Variants in ATG7 observed in about 807,000 individuals in gnomAD.
ATG7 encodes autophagy related 7, also known as ubiquitin-like modifier-activating enzyme ATG7.
ATG7 carries 70 observed loss-of-function variants against 82.4 expected under a neutral mutation model. The ratio of observed to expected loss-of-function variants is 0.85; its 90% CI spans 0.70 to 1.04. The LOEUF (loss-of-function observed/expected upper bound fraction) is 1.04, where lower values mean the gene tolerates loss of function less well. Among genes scored for constraint, ATG7 ranks in the 50% least tolerant of loss-of-function variants. ATG7 has a pLI of 0.00. For missense variants in ATG7, 792 were observed against 864.3 expected (o/e 0.92, Z 1.05); for synonymous variants, 287 against 313.0 (o/e 0.92, Z 0.88).
intron 19 of ATG7, among the ~76,000 whole-genome samples, chr3:11,394,809 T>C (rs2079080951): frequency 6.6e-6 from 1 of 152,188 alleles, no homozygotes; most frequent in Middle Eastern, 3.2e-3. Flanking sequence ...AATGAAATCT[T>C]AGAGGGAAAT....
rs114402220 is a variant in ATG7 at position 11,348,155 on chromosome 3, C to T, written c.1284+120C>T. 8.9e-4 allele frequency: 1,167 copies of T among 1,317,166 alleles called. 2 individuals carry two copies. The highest frequency in any genetic ancestry group is 1.9e-3 in the Middle Eastern group (7 of 3,778). 81.6% of individuals were successfully genotyped at this position (1,317,166 alleles called of 1,614,324 possible). ...TATCTGTCACTTTCTACCAGCCACT[C>T]GCTATGTGGCTGAACCTCTGTTTCC... On this transcript the variant is annotated intron_variant, in intron 14 of 20. Coordinates refer to ENST00000693202, the MANE Select transcript of ATG7 (RefSeq NM_001349232.2).
intron 13 of ATG7, 99 bp downstream of exon 13, chr3:11,342,378 C>A: frequency 7.3e-7 from 1 of 1,367,290 alleles, no homozygotes; most frequent in Non-Finnish European, 9.8e-7. Context: ...GCTCCCCATC[C>A]CCTCCATCTC....
intron 20 of ATG7, among the ~76,000 whole-genome samples, chr3:11,539,370 C>T (rs2070631812): frequency 6.6e-6 from 1 of 152,230 alleles, no homozygotes; most frequent in Admixed American, 6.5e-5. Flanking sequence ...GCTTCAGAGA[C>T]AGAGCTCTTA....
At chr3:11,488,505 C>T (rs1001022666) in intron 20 of ATG7, 608 of 1,234,980 alleles carry the variant, frequency 4.9e-4, no homozygotes, top group Admixed American at 1.1e-3. Context: ...GTGTCAGCGC[C>T]GCGACTGTCC....
At chr3:11,444,552 G>A (rs760016165) in intron 20 of ATG7, among the ~76,000 whole-genome samples, 3 of 152,070 alleles carry the variant, frequency 2.0e-5, no homozygotes, top group South Asian at 2.1e-4. Flanking sequence ...TTGTTGGGTC[G>A]TAGAAAATAT....
chr3:11,326,012 A>G (rs1457817830), intron 9 of ATG7, among the ~76,000 whole-genome samples: 1 of 152,170 alleles, frequency 6.6e-6, no homozygotes, highest in African/African-American at 2.4e-5. Context: ...TTCTTCTTAA[A>G]CATTCTCTAA....
intron 19 of ATG7, among the ~76,000 whole-genome samples, chr3:11,380,826 C>T (rs982176115): frequency 1.3e-5 from 2 of 152,146 alleles, no homozygotes; most frequent in African/African-American, 4.8e-5. Context: ...CCAACTGTGG[C>T]TTCTCAGTTA....
At chr3:11,452,302 T>C (rs924998424) in intron 20 of ATG7, among the ~76,000 whole-genome samples, 8 of 143,340 alleles carry the variant, frequency 5.6e-5, no homozygotes, top group Non-Finnish European at 1.0e-4. Flanking sequence ...GGAGAATCAC[T>C]TGAACCCAGG....
chr3:11,302,246 C>T (rs1946896898), intron 5 of ATG7, among the ~76,000 whole-genome samples: 1 of 152,182 alleles, frequency 6.6e-6, no homozygotes, highest in Non-Finnish European at 1.5e-5. Context: ...TTTGTTTCCT[C>T]ATCTTTAAAA....
intron 20 of ATG7, among the ~76,000 whole-genome samples, chr3:11,522,377 T>C (rs2092464694): frequency 6.6e-6 from 1 of 152,164 alleles, no homozygotes; most frequent in Admixed American, 6.5e-5. Flanking sequence ...TCCTTTCTGC[T>C]AACTATAGGT....
chr3:11,475,907 A>AC (rs1553687237), intron 20 of ATG7, among the ~76,000 whole-genome samples: 1 of 146,252 alleles, frequency 6.8e-6, no homozygotes, highest in Non-Finnish European at 1.5e-5. Context: ...ACACACACAC[A>AC]CCCCCTCCCA....
chr3:11,422,365 C>G (rs957008723), intron 19 of ATG7, among the ~76,000 whole-genome samples: 1 of 152,200 alleles, frequency 6.6e-6, no homozygotes, highest in Non-Finnish European at 1.5e-5. Context: ...GCTGCTTCGC[C>G]TCTCACTTTT....
At chr3:11,363,098 T>C in intron 17 of ATG7, 170 bp downstream of exon 17, 1 of 590,460 alleles carries the variant, frequency 1.7e-6, no homozygotes, top group South Asian at 2.0e-5. Context: ...CTGAGATAAC[T>C]TGGCATGTTT....
intron 11 of ATG7, among the ~76,000 whole-genome samples, chr3:11,338,657 A>C (rs1396325881): frequency 6.6e-6 from 1 of 152,300 alleles, no homozygotes; most frequent in East Asian, 1.9e-4. Flanking sequence ...TCAAACAAGA[A>C]AACTCTATTA....
rs780987012 is a variant in ATG7 at position 11,477,223 on chromosome 3, C to G, written c.2079+50297C>G. The G allele has an allele frequency of 3.1e-5, 40 of 1,286,246 alleles. No individual in the cohort carries two copies. The Middle Eastern group carries it at 6.4e-4, about 21-fold the overall frequency. 79.7% of individuals were successfully genotyped at this position (1,286,246 alleles called of 1,614,324 possible). On this transcript the variant is annotated intron_variant, in intron 20 of 20. Transcript: ENST00000693202. ...AATCAAGCACTTCTGTGAATGGAAT[C>G]TTTTATTCCTCGCCCATCTGATTCT...
At chr3:11,551,583 T>C (rs1355476680) in intron 20 of ATG7, among the ~76,000 whole-genome samples, 2 of 152,158 alleles carry the variant, frequency 1.3e-5, no homozygotes, top group Admixed American at 6.6e-5. Context: ...TCACTGCTTT[T>C]ATAATTTTTT....
intron 3 of ATG7, among the ~76,000 whole-genome samples, chr3:11,289,080 C>T (rs1944542910): frequency 6.6e-6 from 1 of 152,192 alleles, no homozygotes; most frequent in African/African-American, 2.4e-5. Flanking sequence ...AACACACTTA[C>T]ATTGATGCCT....
intron 20 of ATG7, among the ~76,000 whole-genome samples, chr3:11,493,220 G>C (rs763356787): frequency 6.6e-6 from 1 of 152,218 alleles, no homozygotes; most frequent in Non-Finnish European, 1.5e-5. Context: ...CTCCCCTGAA[G>C]TCAATTTGCC....
chr3:11,299,104 G>T, intron 4 of ATG7: 1 of 600,492 alleles, frequency 1.7e-6, no homozygotes, highest in South Asian at 2.2e-5. Context: ...ACTTAGCATT[G>T]CTGTGGGAAG....
Sources: gnomAD v4.1 joint callset for allele counts (sites outside exome capture counted in the v4.1 genomes callset) on GRCh38, gnomAD v4.1.1 for gene constraint, MANE v1.5 for transcripts, NCBI Gene and HGNC (gene_info 2026-07-23, HGNC 2026-07-21) for gene names.